Variants in ADK observed in about 807,000 individuals in gnomAD.
The protein encoded by ADK is N6,N6-dimethyladenosine kinase.
ADK carries 24 observed loss-of-function variants against 44.7 expected under a neutral mutation model. That is an observed-to-expected ratio of 0.54 (90% CI 0.39 to 0.76). The LOEUF is 0.76. Among genes scored for constraint, ADK ranks in the 30% least tolerant of loss-of-function variants. The pLI, the probability that ADK is intolerant of heterozygous loss-of-function variation, is 0.00. For synonymous variants in ADK, 128 were observed against 142.6 expected, an observed-to-expected ratio of 0.90 and a Z score of 0.73; for missense variants, 321 against 425.1, an observed-to-expected ratio of 0.76 and a Z score of 2.15.
At chr10:74,582,171 A>G (rs1264290361) in intron 7 of ADK, among the ~76,000 whole-genome samples, 4 of 152,168 alleles carry the variant, frequency 2.6e-5, no homozygotes, top group Non-Finnish European at 5.9e-5. Context: ...AAAAAATACA[A>G]AAATTAGCTG....
rs7088493 is a variant in ADK, at chr10:74,315,046, A to G, written c.273+301A>G. ...TTTGTAGAAACTTCATATTTTATAG[A>G]TAGTATTCCTTTTTATTTTATAAGT... On this transcript the variant is annotated intron_variant, in intron 4 of 10. Coordinates refer to ENST00000539909, the MANE Select transcript of ADK (RefSeq NM_006721.4). Among the ~76,000 whole-genome samples the G allele has an allele frequency of 0.017, 2,636 of 152,062 alleles. 78 individuals carry two copies. The highest frequency in any genetic ancestry group is 0.061 in the African/African-American group (2,517 of 41,522).
chr10:74,285,208 T>G (rs1227770935), intron 3 of ADK, among the ~76,000 whole-genome samples: 2 of 152,042 alleles, frequency 1.3e-5, no homozygotes, highest in East Asian at 3.9e-4. Context: ...GGATATCTAG[T>G]TTAGAGTTGG....
intron 7 of ADK, among the ~76,000 whole-genome samples, chr10:74,544,657 A>C (rs184850833): frequency 2.7e-4 from 41 of 152,218 alleles, no homozygotes; most frequent in African/African-American, 9.9e-4. Context: ...CGGGCAGATC[A>C]CGAGGTCAGG....
intron 1 of ADK, among the ~76,000 whole-genome samples, chr10:74,178,643 G>C (rs144307540): frequency 6.6e-6 from 1 of 152,242 alleles, no homozygotes; most frequent in Admixed American, 6.5e-5. Flanking sequence ...TTTACTGTAG[G>C]GGTTGATAGT....
At chr10:74,474,293 G>A (rs1385177530) in intron 6 of ADK, among the ~76,000 whole-genome samples, 3 of 151,950 alleles carry the variant, frequency 2.0e-5, no homozygotes, top group Non-Finnish European at 4.4e-5. Flanking sequence ...TTAAGAGGCA[G>A]GGCCTCACTG....
chr10:74,235,665 C>T (rs183416851), intron 3 of ADK, among the ~76,000 whole-genome samples: 17 of 152,310 alleles, frequency 1.1e-4, no homozygotes, highest in Non-Finnish European at 2.4e-4. Flanking sequence ...TCAAAGTCTA[C>T]CAATTTTCCT....
chr10:74,701,106 A>G (rs539901653), intron 10 of ADK, among the ~76,000 whole-genome samples: 26 of 152,200 alleles, frequency 1.7e-4, no homozygotes, highest in Non-Finnish European at 3.4e-4. Flanking sequence ...ACTATTTTAG[A>G]TGTATTACAA....
intron 10 of ADK, among the ~76,000 whole-genome samples, chr10:74,671,976 T>C (rs544768950): frequency 6.6e-6 from 1 of 152,244 alleles, no homozygotes; most frequent in Admixed American, 6.5e-5. Flanking sequence ...ATGTAGACTT[T>C]TTGAGGGAGG....
At chr10:74,572,456 T>C (rs1362289168) in intron 7 of ADK, among the ~76,000 whole-genome samples, 6 of 151,910 alleles carry the variant, frequency 3.9e-5, no homozygotes, top group African/African-American at 1.4e-4. Context: ...TCATTTCAAC[T>C]TTGGTGAATC....
intron 4 of ADK, among the ~76,000 whole-genome samples, chr10:74,361,168 T>C (rs1259386587): frequency 6.6e-6 from 1 of 152,206 alleles, no homozygotes; most frequent in Non-Finnish European, 1.5e-5. Flanking sequence ...CCTCCCAAAG[T>C]GTTGGGATTA....
At chr10:74,652,140 C>T (rs894946137) in intron 9 of ADK, among the ~76,000 whole-genome samples, 1 of 150,114 alleles carries the variant, frequency 6.7e-6, no homozygotes, top group African/African-American at 2.5e-5. Flanking sequence ...CTCCTCAGTT[C>T]AAGCAATTCT....
At chr10:74,658,102 T>A (rs187147261) in intron 9 of ADK, among the ~76,000 whole-genome samples, 56 of 152,162 alleles carry the variant, frequency 3.7e-4, no homozygotes, top group African/African-American at 1.3e-3. Flanking sequence ...TATCCTAGAG[T>A]TAAGAGTTCA....
intron 4 of ADK, among the ~76,000 whole-genome samples, chr10:74,361,950 G>A (rs990808255): frequency 2.6e-5 from 4 of 152,094 alleles, no homozygotes; most frequent in Non-Finnish European, 5.9e-5. Context: ...GATCTTCCTT[G>A]CATGTTATTT....
rs575651933 is a variant in ADK at position 74,177,819 on chromosome 10, C to T, written c.66-22945C>T. On this transcript the variant is annotated intron_variant, in intron 1 of 10. Coordinates refer to ENST00000539909, the MANE Select transcript of ADK (RefSeq NM_006721.4). ...CTGGTGATTTGAGGGCTTCTCAATG[C>T]CAATTTTTACTACATTGTGTTTAAG... Among the ~76,000 whole-genome samples the T allele has an allele frequency of 1.6e-3, 247 of 151,524 alleles. 2 individuals are homozygous for T. Among genetic ancestry groups the T allele is most frequent in the African/African-American group, 5.8e-3 (239 of 41,340 alleles).
intron 6 of ADK, among the ~76,000 whole-genome samples, chr10:74,511,480 C>G (rs1021307019): frequency 3.3e-5 from 5 of 152,124 alleles, no homozygotes; most frequent in African/African-American, 1.2e-4. Context: ...TTTCTTTCAT[C>G]AGTGTTTTGT....
intron 9 of ADK, among the ~76,000 whole-genome samples, chr10:74,615,976 T>C (rs1435489830): frequency 1.3e-5 from 2 of 152,188 alleles, no homozygotes; most frequent in Admixed American, 1.3e-4. Context: ...CCCAAAGTGC[T>C]GGGGTTACAG....
intron 4 of ADK, among the ~76,000 whole-genome samples, chr10:74,382,570 A>G (rs965886050): frequency 1.3e-5 from 2 of 152,028 alleles, no homozygotes; most frequent in Admixed American, 1.3e-4. Flanking sequence ...TTTTATCCCT[A>G]GTTTTGGAGA....
intron 4 of ADK, chr10:74,371,901 G>T: frequency 6.8e-7 from 1 of 1,472,262 alleles, no homozygotes; most frequent in Non-Finnish European, 9.4e-7. Flanking sequence ...ACGGCTTCTT[G>T]TGGTTACTGA....
chr10:74,701,040 C>T (rs1053373047), intron 10 of ADK, among the ~76,000 whole-genome samples: 1 of 152,156 alleles, frequency 6.6e-6, no homozygotes, highest in Non-Finnish European at 1.5e-5. Flanking sequence ...ACCCTAAACT[C>T]TTTTTAGTAG....
Sources: gnomAD v4.1 joint callset for allele counts (sites outside exome capture counted in the v4.1 genomes callset) on GRCh38, gnomAD v4.1.1 for gene constraint, MANE v1.5 for transcripts, NCBI Gene and HGNC (gene_info 2026-07-23, HGNC 2026-07-21) for gene names.